FAM193A: variants seen among roughly 807,000 people sequenced by gnomAD.
The protein encoded by FAM193A is protein FAM193A.
In FAM193A, 22 loss-of-function variants were observed where a neutral mutation model predicts 126.5. The ratio of observed to expected loss-of-function variants is 0.17; its 90% CI spans 0.12 to 0.25. FAM193A has a LOEUF of 0.25. Ranked by LOEUF, FAM193A falls within the 10% of genes least tolerant of loss-of-function variation. FAM193A has a pLI of 1.00. For missense variants in FAM193A, 1,675 were observed against 1,672.8 expected (o/e 1.00, Z -0.02); for synonymous variants, 761 against 646.8 (o/e 1.18, Z -2.68).
In FAM193A at chr4:2,690,900, C is replaced by T; in HGVS notation, c.2733C>T (p.Ser911=). 6.2e-7 allele frequency: 1 copy of T among 1,614,176 alleles called. No homozygotes were observed. The highest frequency in any genetic ancestry group is 8.5e-7 in the Non-Finnish European group (1 of 1,180,000). The change falls in exon 15 of 21, where the codon TCC becomes TCT. Residue 911 remains serine (S), a synonymous_variant. Transcript: ENST00000637812. ...CGTCATCAGCCACGTCCTCTGTGTC[C>T]TGCACAGCTACCACAGTGCAGTCCA... ...MATSSATSSV[S]CTATTVQSSN... is the part of the protein sequence containing the mutation.
intron 2 of FAM193A, chr4:2,607,791 A>C: frequency 1.9e-6 from 1 of 521,936 alleles, no homozygotes. Context: ...TGAGAACCAC[A>C]GCTCTGTTGG....
At chr4:2,557,077 C>T (rs1318740728) in intron 1 of FAM193A, among the ~76,000 whole-genome samples, 1 of 152,082 alleles carries the variant, frequency 6.6e-6, no homozygotes, top group Non-Finnish European at 1.5e-5. Context: ...CTATGTTTTT[C>T]CTATATATAG....
Position 2,663,172 on chromosome 4 carries a change from G to A in FAM193A, c.1963G>A (p.Glu655Lys), listed in dbSNP as rs372668093. The change falls in exon 12 of 21, where the codon GAG becomes AAG. Residue 655 changes from glutamate to lysine, a missense_variant. Physicochemically the swap from Glu to Lys is moderately conservative, Grantham distance 56. Transcript: ENST00000637812. ...AGCTGATGATGAAGAAGCGGACGGC[G>A]AGAGTAGTGGGGAGCCCCCAGGGGC... ...SEADDEEADG[E>K]SSGEPPGAPK... The A allele has an allele frequency of 3.1e-6, 5 of 1,614,082 alleles. No homozygotes were observed. The highest frequency in any genetic ancestry group is 3.3e-5 in the Admixed American group (2 of 60,014).
At chr4:2,624,520 C>T (rs539919344) in intron 2 of FAM193A, among the ~76,000 whole-genome samples, 2 of 152,276 alleles carry the variant, frequency 1.3e-5, no homozygotes, top group South Asian at 4.1e-4. Flanking sequence ...GACGGAGAGG[C>T]CTCTGCCCCG....
intron 20 of FAM193A, among the ~76,000 whole-genome samples, chr4:2,720,913 C>T (rs969080539): frequency 2.6e-5 from 4 of 152,090 alleles, no homozygotes; most frequent in African/African-American, 9.7e-5. Context: ...GTGGCTCATG[C>T]CTGTAATCCC....
At chr4:2,565,997 C>T (rs901310607) in intron 1 of FAM193A, among the ~76,000 whole-genome samples, 8 of 151,832 alleles carry the variant, frequency 5.3e-5, no homozygotes, top group Non-Finnish European at 7.4e-5. Flanking sequence ...AAAAGAAACA[C>T]GTAATCTGTC....
At chr4:2,726,778 CAAAAAAAAAAAAAA>C (rs71589604) in intron 20 of FAM193A, among the ~76,000 whole-genome samples, 1 of 44,962 alleles carries the variant, frequency 2.2e-5, no homozygotes, top group Non-Finnish European at 4.0e-5. Flanking sequence ...CTAAAAATAC[CAAAAAAAAAAAAAA>C]AAAAAAAAAA....
chr4:2,546,217 C>A (rs1056035816), intron 1 of FAM193A, among the ~76,000 whole-genome samples: 6 of 151,208 alleles, frequency 4.0e-5, no homozygotes, highest in Non-Finnish European at 8.8e-5. Flanking sequence ...ATCTCAAACT[C>A]CTGGGCTCAA....
intron 13 of FAM193A, among the ~76,000 whole-genome samples, chr4:2,676,622 C>G (rs1367267460): frequency 1.3e-5 from 2 of 152,088 alleles, no homozygotes; most frequent in South Asian, 2.1e-4. Context: ...TTTACTCTGT[C>G]GATAGTGTCT....
At chr4:2,682,227 G>A (rs566648461) in intron 13 of FAM193A, among the ~76,000 whole-genome samples, 80 of 151,982 alleles carry the variant, frequency 5.3e-4, no homozygotes, top group African/African-American at 1.8e-3. Context: ...CTTGTGATCC[G>A]CCCACCTCAG....
chr4:2,696,254 AAAT>A (rs1717022549), intron 17 of FAM193A, 106 bp from the exon 18 acceptor site: 1 of 721,100 alleles, frequency 1.4e-6, no homozygotes, highest in Non-Finnish European at 2.3e-6. Flanking sequence ...TTTTCACAAC[AAAT>A]ATATACTACT....
rs546607784 is a variant in FAM193A, at chr4:2,671,064, T to C, written c.2080-1057T>C. ...TGATGATTTGGGCAGAGGTTGCCCA[T>C]GCACCTTGAATCCACAGGGGCTCCA... On this transcript the variant is annotated intron_variant, in intron 12 of 20. Coordinates refer to ENST00000637812, the MANE Select transcript of FAM193A (RefSeq NM_001366318.2). Among the ~76,000 whole-genome samples, 120 of 152,302 alleles carry C rather than the reference T, an allele frequency of 7.9e-4. 3 individuals carry two copies. The South Asian group carries it at 0.01, about 13-fold the overall frequency.
At chr4:2,591,336 C>T (rs1317858632) in intron 1 of FAM193A, among the ~76,000 whole-genome samples, 1 of 152,148 alleles carries the variant, frequency 6.6e-6, no homozygotes, top group Admixed American at 6.5e-5. Context: ...CTGGTGTATC[C>T]TGCTTGATCC....
intron 19 of FAM193A, among the ~76,000 whole-genome samples, chr4:2,705,867 C>T (rs1050355342): frequency 4.6e-5 from 7 of 152,184 alleles, no homozygotes; most frequent in African/African-American, 9.6e-5. Context: ...GGATCACAGA[C>T]GTGAGCTACC....
At chr4:2,602,599 C>A (rs1312930150) in intron 2 of FAM193A, among the ~76,000 whole-genome samples, 1 of 151,994 alleles carries the variant, frequency 6.6e-6, no homozygotes, top group African/African-American at 2.4e-5. Flanking sequence ...GTGATCCACC[C>A]ACCTTGGCCT....
rs138199120 is a variant in FAM193A, at chr4:2,720,710, G to C, written c.4454+4606G>C. Among the ~76,000 whole-genome samples the C allele has an allele frequency of 4.2e-4, 63 of 150,990 alleles. 1 individual carries two copies. In the East Asian group the frequency reaches 0.01, roughly 25 times the overall value. On this transcript the variant is annotated intron_variant, in intron 20 of 20. Transcript: ENST00000637812. ...CACACCACAAATAATTGGAAATGTA[G>C]CTCAAAAGAGCATTTATAATAGCAC...
intron 2 of FAM193A, among the ~76,000 whole-genome samples, chr4:2,610,591 A>G (rs182534741): frequency 1.3e-5 from 2 of 152,334 alleles, no homozygotes; most frequent in East Asian, 1.9e-4. Flanking sequence ...CTGTTGTTGC[A>G]TGTAGCAATA....
At chr4:2,539,946 C>T (rs771854876) in intron 1 of FAM193A, among the ~76,000 whole-genome samples, 53 of 151,522 alleles carry the variant, frequency 3.5e-4, no homozygotes, top group Admixed American at 9.9e-4. Context: ...GGTGAAACCC[C>T]GTCTCTACTA....
At chr4:2,688,075 TGCCCATA>T (rs1182646062) in intron 13 of FAM193A, among the ~76,000 whole-genome samples, 2 of 152,184 alleles carry the variant, frequency 1.3e-5, no homozygotes, top group Non-Finnish European at 2.9e-5. Flanking sequence ...ATGACCAGGT[TGCCCATA>T]ACTGGGCACT....
Sources: gnomAD v4.1 joint callset for allele counts (sites outside exome capture counted in the v4.1 genomes callset) on GRCh38, gnomAD v4.1.1 for gene constraint, MANE v1.5 for transcripts, NCBI Gene and HGNC (gene_info 2026-07-23, HGNC 2026-07-21) for gene names.